The following EMILIN2 variants were observed in gnomAD, a reference collection of about 807,000 sequenced individuals.
EMILIN2 encodes the protein elastin microfibril interfacer 2.
EMILIN2 carries 71 observed loss-of-function variants against 87.1 expected under a neutral mutation model. The observed-to-expected ratio is 0.82, with a 90% CI of 0.67 to 0.99. EMILIN2 has a LOEUF of 0.99. Among genes scored for constraint, EMILIN2 ranks in the 50% least tolerant of loss-of-function variants. EMILIN2 has a pLI of 0.00. For synonymous variants in EMILIN2, 581 were observed against 563.4 expected, an observed-to-expected ratio of 1.03 and a Z score of -0.44; for missense variants, 1,407 against 1,371.8, an observed-to-expected ratio of 1.03 and a Z score of -0.40.
rs1316207417 is a variant in EMILIN2, at chr18:2,914,985, T to G, written c.*1581T>G. On this transcript the variant is annotated 3_prime_UTR_variant, in exon 8 of 8. Transcript: ENST00000254528. ...GAATGACTCATGGAAAGCGCCCCAGTGCAGCAGTGTTTTCAGGAAAACCCA... is the reference window on the plus strand; with the variant it reads ...GAATGACTCATGGAAAGCGCCCCAGGGCAGCAGTGTTTTCAGGAAAACCCA... 6.6e-6 allele frequency: 1 copy of G among 152,290 alleles called. No homozygotes were observed. The highest frequency in any genetic ancestry group is 1.5e-5 in the Non-Finnish European group (1 of 68,102). 9.4% of individuals were successfully genotyped at this position (152,290 alleles called of 1,614,324 possible). A position where few individuals can be genotyped will look rare whatever the true frequency, so the allele number is the denominator to read the frequency against.
Position 2,891,702 on chromosome 18 carries a change from A to G in EMILIN2, c.1575A>G (p.Pro525=). ...ELSPPGAAAL[P]GVSGSGDERV... Reference sequence around the variant, plus strand: ...GTCCCCCAGGGGCAGCAGCCCTGCCAGGAGTGTCAGGGTCAGGAGATGAAC... The same window carrying G: ...GTCCCCCAGGGGCAGCAGCCCTGCCGGGAGTGTCAGGGTCAGGAGATGAAC... Residue 525 remains proline, a synonymous_variant, in exon 4 of 8, where the codon CCA becomes CCG. Transcript: ENST00000254528. This position sits in a 1 kb window ranked among gnomAD's most constrained non-coding sequence, Gnocchi z 4.6. The G allele has an allele frequency of 1.2e-6, 2 of 1,614,168 alleles. No homozygotes were observed. The highest frequency in any genetic ancestry group is 1.7e-6 in the Non-Finnish European group (2 of 1,180,034).
At chr18:2,865,459 G>T (rs2143978134) in intron 2 of EMILIN2, among the ~76,000 whole-genome samples, 1 of 152,328 alleles carries the variant, frequency 6.6e-6, no homozygotes, top group South Asian at 2.1e-4. Flanking sequence ...GTCTGTTGGA[G>T]TTTGCTGGAG....
At chr18:2,846,997 C>T (rs2076577287), upstream of EMILIN2, 4 of 1,022,888 alleles carry the variant, frequency 3.9e-6, no homozygotes, top group Admixed American at 6.0e-5. The surrounding 1 kb of genome is among the most constrained non-coding windows in gnomAD (Gnocchi z 5.3). Flanking sequence ...GCAGGGCGCA[C>T]GGGGCTGCAG....
At chr18:2,871,513 G>C (rs1433825565) in intron 2 of EMILIN2, among the ~76,000 whole-genome samples, 2 of 152,226 alleles carry the variant, frequency 1.3e-5, no homozygotes, top group African/African-American at 4.8e-5. Context: ...AGAATGGAGG[G>C]GGATGCCCAG....
At chr18:2,884,471 CCTGGCCTCAAGTGATCTG>C (rs1305608719) in intron 2 of EMILIN2, among the ~76,000 whole-genome samples, 10 of 152,214 alleles carry the variant, frequency 6.6e-5, no homozygotes, top group Non-Finnish European at 1.5e-4. Flanking sequence ...GTCTCGAACT[CCTGGCCTCAAGTGATCTG>C]CTGGCCTCAG....
At chr18:2,863,084 C>T (rs887361959) in intron 2 of EMILIN2, among the ~76,000 whole-genome samples, 2 of 152,060 alleles carry the variant, frequency 1.3e-5, no homozygotes, top group Non-Finnish European at 2.9e-5. Context: ...TTATCATTTT[C>T]TATTGCATCT....
At chr18:2,895,541 C>T (rs992374337) in intron 4 of EMILIN2, among the ~76,000 whole-genome samples, 2 of 152,238 alleles carry the variant, frequency 1.3e-5, no homozygotes, top group Non-Finnish European at 1.5e-5. Flanking sequence ...CTCTATGTGG[C>T]ATCAGCTTGA....
At position 2,890,820 on chromosome 18, in the gene EMILIN2, G is replaced by A. The variant is rs751894221; in HGVS notation, c.693G>A (p.Gln231=). Reference sequence around the variant, plus strand: ...CACGGGCACCAGGGCTCAGCAGCCAGCACCCCAAGCCTGACACCACTGTTA... The same window carrying A: ...CACGGGCACCAGGGCTCAGCAGCCAACACCCCAAGCCTGACACCACTGTTA... The part of the protein sequence containing the change: ...SRTRAPGLSS[Q]HPKPDTTVSG... Residue 231 remains glutamine, a synonymous_variant, in exon 4 of 8, where the codon CAG becomes CAA. Coordinates refer to ENST00000254528, the MANE Select transcript of EMILIN2 (RefSeq NM_032048.3). This position sits in a 1 kb window ranked among gnomAD's most constrained non-coding sequence, Gnocchi z 4.7. 22 of 1,613,550 alleles carry A rather than the reference G, an allele frequency of 1.4e-5. No homozygotes were observed. The highest frequency in any genetic ancestry group is 1.8e-5 in the Non-Finnish European group (21 of 1,179,844).
chr18:2,902,226 C>T (rs911154141), intron 4 of EMILIN2, among the ~76,000 whole-genome samples: 32 of 152,318 alleles, frequency 2.1e-4, no homozygotes, highest in African/African-American at 7.5e-4. Flanking sequence ...GTGCATGGCC[C>T]ATAGCGCCTG....
At chr18:2,881,279 G>A (rs918513837) in intron 2 of EMILIN2, among the ~76,000 whole-genome samples, 1 of 152,206 alleles carries the variant, frequency 6.6e-6, no homozygotes, top group Non-Finnish European at 1.5e-5. Flanking sequence ...AACTGTTGAT[G>A]CCAGCCAGGA....
rs1016758167 is a variant in EMILIN2 at position 2,884,026 on chromosome 18, G to C, written c.258-938G>C. Among the ~76,000 whole-genome samples, 21 of 152,208 alleles carry C rather than the reference G, an allele frequency of 1.4e-4. No homozygotes were observed. In the South Asian group the frequency reaches 1.9e-3, roughly 14 times the overall value. ...GCTGGAGTGCAGTGGCGCGATCTCG[G>C]CTCACTGCAAGCTCCACCTCCCGGG... On this transcript the variant is annotated intron_variant, in intron 2 of 7. Coordinates refer to ENST00000254528, the MANE Select transcript of EMILIN2 (RefSeq NM_032048.3).
intron 6 of EMILIN2, 28 bp from the exon 7 acceptor site, chr18:2,909,663 A>G: frequency 1.2e-6 from 2 of 1,611,724 alleles, no homozygotes; most frequent in East Asian, 4.5e-5. Context: ...CACCCGGGTC[A>G]ATCCATTCCA....
At chr18:2,855,813 CG>C (rs1343437363) in intron 2 of EMILIN2, among the ~76,000 whole-genome samples, 3 of 152,198 alleles carry the variant, frequency 2.0e-5, no homozygotes, top group Non-Finnish European at 4.4e-5. Flanking sequence ...GGCCCCAGTG[CG>C]GGAACACAGC....
intron 4 of EMILIN2, among the ~76,000 whole-genome samples, chr18:2,902,680 C>T (rs1416303156): frequency 1.3e-5 from 2 of 152,080 alleles, no homozygotes; most frequent in East Asian, 3.9e-4. Context: ...TTGATTTTTA[C>T]GAGAAGTGGA....
intron 2 of EMILIN2, among the ~76,000 whole-genome samples, chr18:2,858,327 C>G (rs1265163075): frequency 6.6e-6 from 1 of 150,658 alleles, no homozygotes; most frequent in Non-Finnish European, 1.5e-5. Context: ...ATCCTTTTCC[C>G]CTGAGTCCCC....
At chr18:2,850,093 A>ATTTTTT (rs71366611) in intron 2 of EMILIN2, among the ~76,000 whole-genome samples, 6 of 122,542 alleles carry the variant, frequency 4.9e-5, no homozygotes, top group Non-Finnish European at 5.1e-5. Context: ...TGCCCAGCTA[A>ATTTTTT]TTTTTTTTTT....
rs540615530 is a variant in EMILIN2, at chr18:2,914,215, C to T, written c.*811C>T. On this transcript the variant is annotated 3_prime_UTR_variant, in exon 8 of 8. Coordinates refer to ENST00000254528, the MANE Select transcript of EMILIN2 (RefSeq NM_032048.3). ...AATCTCAGCTACAAAACTGTTACCC[C>T]TCCGCATCCAAGCTATACACTTGGG... 5 of 152,442 alleles carry T rather than the reference C, an allele frequency of 3.3e-5. No homozygotes were observed. The South Asian group carries it at 1.0e-3, about 32-fold the overall frequency. 9.4% of individuals were successfully genotyped at this position (152,442 alleles called of 1,614,324 possible).
At chr18:2,862,626 AT>A (rs1279750359) in intron 2 of EMILIN2, among the ~76,000 whole-genome samples, 3 of 152,100 alleles carry the variant, frequency 2.0e-5, no homozygotes, top group African/African-American at 7.2e-5. Flanking sequence ...GTTTGCCAGT[AT>A]TTTATTGACG....
At chr18:2,888,532 A>G (rs182799333) in intron 3 of EMILIN2, among the ~76,000 whole-genome samples, 94 of 152,038 alleles carry the variant, frequency 6.2e-4, no homozygotes, top group Middle Eastern at 6.8e-3. Context: ...TGGCTAACAC[A>G]GTGAAACCCC....
Sources: gnomAD v4.1 joint callset for allele counts (sites outside exome capture counted in the v4.1 genomes callset) on GRCh38, gnomAD v4.1.1 for gene constraint, Gnocchi (gnomAD v3.1) non-coding constraint, MANE v1.5 for transcripts, NCBI Gene and HGNC (gene_info 2026-07-23, HGNC 2026-07-21) for gene names.